The following HERC1 variants were observed in gnomAD, a reference collection of about 807,000 sequenced individuals.
The protein encoded by HERC1 is probable E3 ubiquitin-protein ligase HERC1.
Under a neutral mutation model 554.3 loss-of-function variants are expected in HERC1, and 160 were observed. That is an observed-to-expected ratio of 0.29 (90% CI 0.25 to 0.33). The LOEUF is 0.33. HERC1 is among the 10% of genes least tolerant of loss of function. The pLI, the probability that HERC1 is intolerant of heterozygous loss-of-function variation, is 1.00. For synonymous variants in HERC1, 2,175 were observed against 2,131.7 expected (o/e 1.02, Z -0.56); for missense variants, 4,919 against 5,918.5 (o/e 0.83, Z 5.54).
Position 63,756,324 on chromosome 15 carries a change from G to A in HERC1, c.1533+113C>T. 1 of 805,810 alleles carries A rather than the reference G, an allele frequency of 1.2e-6. No homozygotes were observed. The highest frequency in any genetic ancestry group is 1.7e-5 in the African/African-American group (1 of 58,250). 49.9% of individuals were successfully genotyped at this position (805,810 alleles called of 1,614,324 possible). On this transcript the variant is annotated intron_variant, in intron 5 of 77. Transcript: ENST00000443617. The surrounding 1 kb of genome is among the most constrained non-coding windows in gnomAD (Gnocchi z 5.0). Reference sequence around the variant, plus strand: ...GTAAAGCAGAGATACAAAAGATTAAGCCAAAGGGTTGAAGGGGCAACTGCA... The same window carrying A: ...GTAAAGCAGAGATACAAAAGATTAAACCAAAGGGTTGAAGGGGCAACTGCA...
At chr15:63,709,895 GA>G (rs1383307649) in intron 24 of HERC1, among the ~76,000 whole-genome samples, 1 of 152,230 alleles carries the variant, frequency 6.6e-6, no homozygotes, top group East Asian at 1.9e-4. Context: ...GGACAACTGG[GA>G]GAGTAAGGTA....
chr15:63,766,868 G>A (rs1323142751), intron 2 of HERC1, among the ~76,000 whole-genome samples: 1 of 151,274 alleles, frequency 6.6e-6, no homozygotes, highest in Admixed American at 6.6e-5. Context: ...GCAGAGAAGA[G>A]GTTTCTCCAT....
rs1039147873 is a variant in HERC1 at position 63,716,128 on chromosome 15, G to A, written c.4150+174C>T. 5.9e-4 allele frequency among the ~76,000 whole-genome samples: 90 copies of A among 152,164 alleles called. 1 individual carries two copies. The highest frequency in any genetic ancestry group is 1.8e-4 in the Non-Finnish European group (12 of 68,040). ...TATGTAACCCAAAAGCATCAGAATA[G>A]TACTAGCACAGTTGTAGGAGCCCCT... On this transcript the variant is annotated intron_variant, in intron 22 of 77. Transcript: ENST00000443617.
intron 36 of HERC1, among the ~76,000 whole-genome samples, chr15:63,679,633 T>C (rs1377932722): frequency 6.6e-6 from 1 of 152,262 alleles, no homozygotes; most frequent in Non-Finnish European, 1.5e-5. Flanking sequence ...CTATTAATAC[T>C]GTTGTCATGA....
intron 1 of HERC1, among the ~76,000 whole-genome samples, chr15:63,815,294 G>A (rs930051194): frequency 6.6e-6 from 1 of 152,150 alleles, no homozygotes; most frequent in Non-Finnish European, 1.5e-5. Flanking sequence ...ATAGAGTAGT[G>A]ACTATACTAT....
intron 51 of HERC1, 49 bp from the exon 52 acceptor site, chr15:63,652,590 T>A: frequency 1.4e-6 from 2 of 1,409,128 alleles, no homozygotes; most frequent in Non-Finnish European, 1.9e-6. Context: ...TCAAATGATT[T>A]TATTATTTGA....
At chr15:63,709,026 G>A (rs1327344359) in intron 24 of HERC1, among the ~76,000 whole-genome samples, 2 of 152,146 alleles carry the variant, frequency 1.3e-5, no homozygotes, top group African/African-American at 2.4e-5. Flanking sequence ...GTCTCGCTCT[G>A]TCACCCAGGC....
At chr15:63,746,764 T>C (rs2075069956) in intron 12 of HERC1, among the ~76,000 whole-genome samples, 154 bp downstream of exon 12, 1 of 152,188 alleles carries the variant, frequency 6.6e-6, no homozygotes, top group Non-Finnish European at 1.5e-5. Context: ...GTCTCAAGGA[T>C]GAGTTAACCA....
At chr15:63,681,889 C>A (rs2071499074) in intron 34 of HERC1, among the ~76,000 whole-genome samples, 2 of 152,142 alleles carry the variant, frequency 1.3e-5, no homozygotes, top group Non-Finnish European at 2.9e-5. Flanking sequence ...CTATACCTCA[C>A]CTGTGTCCTT....
At chr15:63,664,928 G>A (rs2070542861) in intron 42 of HERC1, among the ~76,000 whole-genome samples, 1 of 152,104 alleles carries the variant, frequency 6.6e-6, no homozygotes, top group South Asian at 2.1e-4. Context: ...TCTTGCCTAG[G>A]AAAAACAGGT....
Position 63,652,407 on chromosome 15 carries a change from C to A in HERC1, c.10418+7G>T. 1 of 1,611,458 alleles carries A rather than the reference C, an allele frequency of 6.2e-7. No individual in the cohort carries two copies. The highest frequency in any genetic ancestry group is 1.1e-5 in the South Asian group (1 of 90,724). On this transcript the variant is annotated splice_region_variant and intron_variant, in intron 52 of 77. Transcript: ENST00000443617. ...TTAAATGGTATACACGTGATGTTAG[C>A]ACTCACAATCTGTTGAACACACAGG...
rs1396383924 is a variant in HERC1, at chr15:63,675,000, T to C, written c.7188A>G (p.Leu2396=). 6.2e-7 allele frequency: 1 copy of C among 1,613,998 alleles called. No homozygotes were observed. The highest frequency in any genetic ancestry group is 1.7e-5 in the Admixed American group (1 of 60,022). The change falls in exon 38 of 78, where the codon CTA becomes CTG. Residue 2396 remains leucine, a synonymous_variant. Transcript: ENST00000443617. ...CTTCATGAACGCCAGTGAGATATGT[T>C]AGGTCCAGCAGCACAGAAGCCGTCA... ...RGLTASVLLD[L]TYLTGVHEDM...
At chr15:63,702,645 G>A (rs1157957219) in intron 25 of HERC1, among the ~76,000 whole-genome samples, 1 of 152,158 alleles carries the variant, frequency 6.6e-6, no homozygotes. Flanking sequence ...GTTTTGTCAA[G>A]AATTTTATCA....
At chr15:63,669,725 T>A in intron 39 of HERC1, 27 bp from the exon 40 acceptor site, 2 of 1,603,042 alleles carry the variant, frequency 1.2e-6, no homozygotes, top group Non-Finnish European at 1.7e-6. Context: ...GTGGTTAGCA[T>A]AAAAATCCAA....
chr15:63,744,035 G>A (rs2074935325), intron 12 of HERC1, among the ~76,000 whole-genome samples: 1 of 151,634 alleles, frequency 6.6e-6, no homozygotes, highest in South Asian at 2.1e-4. Flanking sequence ...GATGGTCTTG[G>A]ACAAGATCTG....
chr15:63,766,485 G>A (rs2075782172), intron 2 of HERC1, among the ~76,000 whole-genome samples: 1 of 152,158 alleles, frequency 6.6e-6, no homozygotes, highest in African/African-American at 2.4e-5. Flanking sequence ...ATACTTGAGA[G>A]GCTGAGGCAG....
chr15:63,750,017 TG>T (rs1364321905), intron 8 of HERC1, among the ~76,000 whole-genome samples: 8 of 152,332 alleles, frequency 5.3e-5, no homozygotes, highest in African/African-American at 1.4e-4. Context: ...TAAAAATAAC[TG>T]GTCATAGAAA....
At chr15:63,689,324 A>G (rs552887101) in intron 33 of HERC1, among the ~76,000 whole-genome samples, 2 of 152,314 alleles carry the variant, frequency 1.3e-5, no homozygotes, top group East Asian at 3.9e-4. Flanking sequence ...CATGCAGATT[A>G]CTCTTCTAAG....
chr15:63,654,450 T>A (rs1178953696), intron 50 of HERC1, 126 bp from the exon 51 acceptor site: 7 of 671,454 alleles, frequency 1.0e-5, no homozygotes, highest in Non-Finnish European at 1.8e-5. Context: ...TTAACCCATA[T>A]CTTTTAAGAA....
Sources: gnomAD v4.1 joint callset for allele counts (sites outside exome capture counted in the v4.1 genomes callset) on GRCh38, gnomAD v4.1.1 for gene constraint, Gnocchi (gnomAD v3.1) non-coding constraint, MANE v1.5 for transcripts, NCBI Gene and HGNC (gene_info 2026-07-23, HGNC 2026-07-21) for gene names.